The following GXYLT2 variants were observed in gnomAD, a reference collection of about 807,000 sequenced individuals.
The protein encoded by GXYLT2 is glucoside xylosyltransferase 2, also known as glycosyltransferase 8 domain containing 4.
A neutral mutation model predicts 45.8 loss-of-function variants in GXYLT2; 53 were observed. That is an observed-to-expected ratio of 1.16 (90% CI 0.93 to 1.46). The LOEUF is 1.46. Ranked by LOEUF, GXYLT2 falls within the 40% of genes most tolerant of loss-of-function variation. GXYLT2 has a pLI of 0.00. For synonymous variants in GXYLT2, 219 were observed against 214.2 expected, an observed-to-expected ratio of 1.02 and a Z score of -0.19; for missense variants, 551 against 544.4, an observed-to-expected ratio of 1.01 and a Z score of -0.12.
chr3:72,903,982 CATCTG>C (rs1417658582), intron 1 of GXYLT2, among the ~76,000 whole-genome samples: 1 of 152,210 alleles, frequency 6.6e-6, no homozygotes, highest in East Asian at 1.9e-4. Flanking sequence ...GCCCTGCCAT[CATCTG>C]ACTCTGCTTT....
intron 5 of GXYLT2, among the ~76,000 whole-genome samples, chr3:72,962,149 C>G (rs1482719907): frequency 6.6e-6 from 1 of 152,162 alleles, no homozygotes; most frequent in South Asian, 2.1e-4. Flanking sequence ...ATTCACCACA[C>G]CAAAGCACCC....
intron 3 of GXYLT2, among the ~76,000 whole-genome samples, chr3:72,938,671 C>T (rs538977822): frequency 6.6e-6 from 1 of 152,270 alleles, no homozygotes; most frequent in South Asian, 2.1e-4. Context: ...CAAAAGCAAG[C>T]ATGGAAGCAG....
rs367860755 is a variant in GXYLT2 at position 72,948,070 on chromosome 3, ATAAC to A, written c.601-7021_601-7018del. 3.5e-3 allele frequency among the ~76,000 whole-genome samples: 532 copies of A among 152,360 alleles called. 5 individuals are homozygous for A. The highest frequency in any genetic ancestry group is 0.012 in the African/African-American group (487 of 41,586). On this transcript the variant is annotated intron_variant, in intron 3 of 6. Transcript: ENST00000389617. The stretch of plus-strand genomic sequence containing the variant: ...TGGAGATTCCAACATTCCTCTTTTA[ATAAC>A]TAACTATCATTAGTGGGAAAATGAT...
In GXYLT2 at chr3:72,955,077, AC is replaced by A. The variant is rs753080422; in HGVS notation, c.601-18del. The A allele has an allele frequency of 6.2e-7, 1 of 1,611,046 alleles. No individual in the cohort carries two copies. Among genetic ancestry groups the A allele is most frequent in the Non-Finnish European group, 8.5e-7 (1 of 1,177,516 alleles). On this transcript the variant is annotated intron_variant, in intron 3 of 6. Coordinates refer to ENST00000389617, the MANE Select transcript of GXYLT2 (RefSeq NM_001080393.2). ...TTTTCTTCCCTCCTCTCCCCTTTACACCCACTCCTTACACACAAAGGTGATT... is the reference window on the plus strand; with the variant it reads ...TTTTCTTCCCTCCTCTCCCCTTTACACCACTCCTTACACACAAAGGTGATT...
chr3:72,923,586 A>G (rs1306566433), intron 3 of GXYLT2, among the ~76,000 whole-genome samples: 1 of 152,184 alleles, frequency 6.6e-6, no homozygotes, highest in Non-Finnish European at 1.5e-5. Flanking sequence ...ACATTTGTTG[A>G]GTGCCCACCA....
rs1003043551 is a variant in GXYLT2 at position 72,976,334 on chromosome 3, T to A, written c.*1175T>A. On this transcript the variant is annotated 3_prime_UTR_variant, in exon 7 of 7. Transcript: ENST00000389617. ...TAGCTTCTGAGAGGAAATTCAGGAA[T>A]GTTTGTGTTTACCACAGACAAAAAC... is the stretch of plus-strand genomic sequence containing the variant. 5 of 152,212 alleles carry A rather than the reference T, an allele frequency of 3.3e-5. No homozygotes were observed. Among genetic ancestry groups the A allele is most frequent in the Non-Finnish European group, 5.9e-5 (4 of 68,034 alleles). 9.4% of individuals were successfully genotyped at this position (152,212 alleles called of 1,614,324 possible).
chr3:72,908,018 G>A (rs1709542783), intron 1 of GXYLT2: 1 of 185,124 alleles, frequency 5.4e-6, no homozygotes, highest in Admixed American at 5.6e-5. Flanking sequence ...TGTGCGAGTG[G>A]GAGCTCCACA....
chr3:72,960,455 G>A (rs1318157592), intron 5 of GXYLT2, among the ~76,000 whole-genome samples: 1 of 152,182 alleles, frequency 6.6e-6, no homozygotes, highest in Admixed American at 6.5e-5. Context: ...TCTTTAACTG[G>A]GGCTGAAACC....
At chr3:72,890,901 AAAAC>A (rs1709170883) in intron 1 of GXYLT2, among the ~76,000 whole-genome samples, 1 of 152,342 alleles carries the variant, frequency 6.6e-6, no homozygotes, top group South Asian at 2.1e-4. Flanking sequence ...GAAGGAGTAA[AAAAC>A]AAAAGCCACA....
intron 3 of GXYLT2, among the ~76,000 whole-genome samples, chr3:72,931,963 T>C (rs1710045554): frequency 6.6e-6 from 1 of 151,896 alleles, no homozygotes; most frequent in Non-Finnish European, 1.5e-5. Flanking sequence ...CTACCAACAT[T>C]ACCAAAATAA....
At chr3:72,910,208 G>A (rs890422160) in intron 2 of GXYLT2, among the ~76,000 whole-genome samples, 3 of 152,198 alleles carry the variant, frequency 2.0e-5, no homozygotes, top group African/African-American at 7.2e-5. Context: ...ATCTTCAAAG[G>A]TAACCTTTGA....
intron 1 of GXYLT2, among the ~76,000 whole-genome samples, chr3:72,899,115 T>C (rs1709351943): frequency 6.6e-6 from 1 of 152,178 alleles, no homozygotes; most frequent in Non-Finnish European, 1.5e-5. Flanking sequence ...AGTCCCCCTC[T>C]CTGGGTTTGA....
chr3:72,889,049 G>T (rs1362551969), intron 1 of GXYLT2, among the ~76,000 whole-genome samples: 1 of 152,154 alleles, frequency 6.6e-6, no homozygotes, highest in Non-Finnish European at 1.5e-5. Flanking sequence ...GCACAGAAAA[G>T]ACAGAGTGGG....
At chr3:72,930,955 A>G (rs991970562) in intron 3 of GXYLT2, among the ~76,000 whole-genome samples, 4 of 152,118 alleles carry the variant, frequency 2.6e-5, no homozygotes, top group Non-Finnish European at 5.9e-5. Flanking sequence ...ATAGAAGAAC[A>G]ACACCATAAA....
intron 3 of GXYLT2, among the ~76,000 whole-genome samples, chr3:72,934,000 G>T (rs1710129227): frequency 6.6e-6 from 1 of 151,876 alleles, no homozygotes; most frequent in African/African-American, 2.4e-5. Flanking sequence ...TTGGATTAAA[G>T]ATGGCAAGGA....
chr3:72,950,750 A>C (rs1320203992), intron 3 of GXYLT2, among the ~76,000 whole-genome samples: 1 of 152,242 alleles, frequency 6.6e-6, no homozygotes, highest in Non-Finnish European at 1.5e-5. Flanking sequence ...TCATACTGTC[A>C]AACTCAGACT....
chr3:72,892,302 C>T (rs1421067507), intron 1 of GXYLT2, among the ~76,000 whole-genome samples: 5 of 152,150 alleles, frequency 3.3e-5, no homozygotes, highest in Admixed American at 3.3e-4. Flanking sequence ...CATCCTAGCG[C>T]TCTTACTGAT....
intron 1 of GXYLT2, among the ~76,000 whole-genome samples, chr3:72,898,010 C>A (rs1401523955): frequency 6.6e-6 from 1 of 152,000 alleles, no homozygotes; most frequent in Non-Finnish European, 1.5e-5. Flanking sequence ...ATACACACAC[C>A]CACATATATT....
chr3:72,902,574 C>T (rs758886942), intron 1 of GXYLT2, among the ~76,000 whole-genome samples: 11 of 152,094 alleles, frequency 7.2e-5, no homozygotes, highest in African/African-American at 2.2e-4. Flanking sequence ...CAGTGGCTCA[C>T]GCCTGTAATC....
Sources: allele counts gnomAD v4.1 joint callset (sites outside exome capture counted in the v4.1 genomes callset), GRCh38; gene constraint gnomAD v4.1.1; transcripts MANE v1.5; gene names NCBI Gene and HGNC (gene_info 2026-07-23, HGNC 2026-07-21).